MAN1A1: variants seen among roughly 807,000 people sequenced by gnomAD.
MAN1A1 encodes the protein mannosyl-oligosaccharide 1,2-alpha-mannosidase IA.
MAN1A1 carries 29 observed loss-of-function variants against 70.8 expected under a neutral mutation model. The ratio of observed to expected loss-of-function variants is 0.41; its 90% CI spans 0.31 to 0.56. The LOEUF (loss-of-function observed/expected upper bound fraction) is 0.56. MAN1A1 is among the 20% of genes least tolerant of loss of function. The pLI, the probability that MAN1A1 is intolerant of heterozygous loss-of-function variation, is 0.29. For missense variants in MAN1A1, 747 were observed against 841.3 expected, an observed-to-expected ratio of 0.89 and a Z score of 1.39; for synonymous variants, 349 against 330.1, an observed-to-expected ratio of 1.06 and a Z score of -0.62.
intron 4 of MAN1A1, among the ~76,000 whole-genome samples, chr6:119,293,439 C>T (rs1411411359): frequency 6.6e-6 from 1 of 152,068 alleles, no homozygotes; most frequent in Non-Finnish European, 1.5e-5. Context: ...TCCAGTGAGC[C>T]TGTTTAAGAA....
At chr6:119,233,685 A>G (rs954111617) in intron 6 of MAN1A1, among the ~76,000 whole-genome samples, 20 of 152,300 alleles carry the variant, frequency 1.3e-4, no homozygotes, top group Admixed American at 3.9e-4. Flanking sequence ...AGGCTTTCTT[A>G]AATCTTCAGA....
At chr6:119,326,878 A>G (rs1773160353) in intron 2 of MAN1A1, among the ~76,000 whole-genome samples, 1 of 152,210 alleles carries the variant, frequency 6.6e-6, no homozygotes, top group South Asian at 2.1e-4. Context: ...GCCTAACCAT[A>G]TCAAGACCAC....
intron 5 of MAN1A1, among the ~76,000 whole-genome samples, chr6:119,273,464 ACT>A (rs1354410649): frequency 3.9e-5 from 6 of 152,048 alleles, no homozygotes; most frequent in Admixed American, 3.9e-4. Flanking sequence ...GCTGCATATT[ACT>A]CTGTTATGTG....
chr6:119,225,511 C>T (rs1161986991), intron 6 of MAN1A1, among the ~76,000 whole-genome samples: 1 of 152,074 alleles, frequency 6.6e-6, no homozygotes, highest in African/African-American at 2.4e-5. Context: ...TTGTGAAAGC[C>T]ATGAATTTAC....
chr6:119,308,155 CTG>C (rs1403742056), intron 2 of MAN1A1, among the ~76,000 whole-genome samples: 5 of 152,130 alleles, frequency 3.3e-5, no homozygotes, highest in African/African-American at 1.2e-4. Context: ...GATGAAGAAA[CTG>C]AGGTTTGGAA....
intron 2 of MAN1A1, among the ~76,000 whole-genome samples, chr6:119,337,804 G>A (rs1180980025): frequency 6.6e-6 from 1 of 152,136 alleles, no homozygotes; most frequent in Non-Finnish European, 1.5e-5. Flanking sequence ...TCTATGTTAA[G>A]TAACCACAGG....
intron 6 of MAN1A1, among the ~76,000 whole-genome samples, chr6:119,240,576 C>T (rs1774977299): frequency 6.6e-6 from 1 of 152,122 alleles, no homozygotes; most frequent in South Asian, 2.1e-4. Flanking sequence ...ACCCATTTAC[C>T]TGAGTGTTAA....
Position 119,318,980 on chromosome 6 carries a change from C to A in MAN1A1, c.604-11988G>T, listed in dbSNP as rs189126918. On this transcript the variant is annotated intron_variant, in intron 2 of 12. Transcript: ENST00000368468. The stretch of plus-strand genomic sequence containing the variant: ...TACTAGCTTGAATGTCAATAATACT[C>A]TAAACATTGCCACTAAATGGCAATA... 8.5e-5 allele frequency among the ~76,000 whole-genome samples: 13 copies of A among 152,270 alleles called. No homozygotes were observed. In the East Asian group the frequency reaches 2.3e-3, roughly 27 times the overall value.
intron 5 of MAN1A1, among the ~76,000 whole-genome samples, chr6:119,254,419 T>G (rs1462359511): frequency 6.6e-6 from 1 of 152,072 alleles, no homozygotes; most frequent in Non-Finnish European, 1.5e-5. Flanking sequence ...ACTGGAAAAA[T>G]AAGTACTCAG....
At chr6:119,293,460 T>C (rs1385261668) in intron 4 of MAN1A1, among the ~76,000 whole-genome samples, 1 of 152,014 alleles carries the variant, frequency 6.6e-6, no homozygotes, top group Non-Finnish European at 1.5e-5. Context: ...GCAAATCTGG[T>C]TTGTTAGTTA....
chr6:119,314,832 C>T (rs1772808029), intron 2 of MAN1A1, among the ~76,000 whole-genome samples: 1 of 152,154 alleles, frequency 6.6e-6, no homozygotes, highest in African/African-American at 2.4e-5. Context: ...CAGCCTTCCT[C>T]CTCCTCCACT....
At chr6:119,342,296 C>T (rs984426849) in intron 2 of MAN1A1, among the ~76,000 whole-genome samples, 1 of 152,112 alleles carries the variant, frequency 6.6e-6, no homozygotes, top group African/African-American at 2.4e-5. Context: ...CCTTTTGAAA[C>T]TTCATTATCC....
intron 7 of MAN1A1, among the ~76,000 whole-genome samples, chr6:119,204,036 G>C (rs763866934): frequency 6.6e-6 from 1 of 152,144 alleles, no homozygotes; most frequent in Non-Finnish European, 1.5e-5. Context: ...GACAGAAGGA[G>C]CATCCAGCAA....
intron 5 of MAN1A1, 65 bp downstream of exon 5, chr6:119,290,618 A>G (rs2114417679): frequency 1.7e-6 from 2 of 1,154,870 alleles, no homozygotes; most frequent in South Asian, 2.8e-5. Flanking sequence ...CGAATGGCAT[A>G]TTTTACCAAA....
intron 6 of MAN1A1, among the ~76,000 whole-genome samples, chr6:119,214,393 A>C (rs1282457396): frequency 6.6e-6 from 1 of 152,252 alleles, no homozygotes; most frequent in African/African-American, 2.4e-5. Context: ...GGCTGATAGT[A>C]AAACTACATA....
intron 5 of MAN1A1, among the ~76,000 whole-genome samples, chr6:119,273,942 C>A (rs139394000): frequency 2.0e-4 from 30 of 152,254 alleles, no homozygotes; most frequent in African/African-American, 7.0e-4. Flanking sequence ...GTGGGAATTG[C>A]AACACCAAGT....
chr6:119,196,871 T>C (rs1773582260), intron 8 of MAN1A1, among the ~76,000 whole-genome samples: 1 of 152,164 alleles, frequency 6.6e-6, no homozygotes, highest in Non-Finnish European at 1.5e-5. Flanking sequence ...AAATACTCTG[T>C]GTACAGACAG....
intron 2 of MAN1A1, among the ~76,000 whole-genome samples, chr6:119,336,424 A>G (rs1773452242): frequency 1.3e-5 from 2 of 151,878 alleles, no homozygotes. Flanking sequence ...TGAAGTCTGA[A>G]TCATTACTTT....
At chr6:119,303,121 T>C (rs1157289957) in intron 3 of MAN1A1, among the ~76,000 whole-genome samples, 1 of 152,094 alleles carries the variant, frequency 6.6e-6, no homozygotes, top group African/African-American at 2.4e-5. Context: ...TAGGCACAAG[T>C]GATTCTCCTG....
Sources: gnomAD v4.1 joint callset for allele counts (sites outside exome capture counted in the v4.1 genomes callset) on GRCh38, gnomAD v4.1.1 for gene constraint, MANE v1.5 for transcripts, NCBI Gene and HGNC (gene_info 2026-07-23, HGNC 2026-07-21) for gene names.